MARCHF3: variants seen among roughly 807,000 people sequenced by gnomAD.
MARCHF3 encodes E3 ubiquitin-protein ligase MARCHF3.
Under a neutral mutation model 24.2 loss-of-function variants are expected in MARCHF3, and 13 were observed. That is an observed-to-expected ratio of 0.54 (90% CI 0.35 to 0.85). MARCHF3 has a LOEUF of 0.85. Ranked by LOEUF, MARCHF3 falls within the 40% of genes least tolerant of loss-of-function variation. MARCHF3 has a pLI of 0.01. For synonymous variants in MARCHF3, 144 were observed against 137.3 expected (o/e 1.05, Z -0.34); for missense variants, 276 against 325.0 (o/e 0.85, Z 1.16).
In MARCHF3 at chr5:127,029,656, A is replaced by C. The variant is rs113843925; in HGVS notation, c.-57+694T>G. On this transcript the variant is annotated intron_variant, in intron 1 of 4. Coordinates refer to ENST00000308660, the MANE Select transcript of MARCHF3 (RefSeq NM_178450.5). The stretch of plus-strand genomic sequence containing the variant: ...CGACCAGGCTGGCAATCCCTTTCGC[A>C]GCCTCTAGGATTCTCCAAGGCACTG... Among the ~76,000 whole-genome samples, 381 of 152,300 alleles carry C rather than the reference A, an allele frequency of 2.5e-3. 2 individuals are homozygous for C. The highest frequency in any genetic ancestry group is 8.7e-3 in the African/African-American group (361 of 41,568).
intron 1 of MARCHF3, among the ~76,000 whole-genome samples, chr5:126,993,276 G>A (rs1047332532): frequency 5.3e-5 from 8 of 152,142 alleles, no homozygotes; most frequent in African/African-American, 1.9e-4. Context: ...CAACTCCATC[G>A]TCTCCTATTT....
chr5:126,894,119 C>CT lies in MARCHF3; in HGVS notation c.394-15726dup, dbSNP rs1326126066. Reference sequence around the variant, plus strand: ...CAGAGACTAGGATTGCAACCCCTGCCTTTTTTTGTTTTCCATTTGCTTGGT... The same window carrying CT: ...CAGAGACTAGGATTGCAACCCCTGCCTTTTTTTTGTTTTCCATTTGCTTGGT... On this transcript the variant is annotated intron_variant, in intron 3 of 4. Transcript: ENST00000308660. Among the ~76,000 whole-genome samples the CT allele has an allele frequency of 4.3e-4, 59 of 137,592 alleles. 2 individuals are homozygous for CT. Among genetic ancestry groups the CT allele is most frequent in the African/African-American group, 1.5e-3 (52 of 34,100 alleles). 90.3% of individuals were successfully genotyped at this position (137,592 alleles called of 152,430 possible).
intron 1 of MARCHF3, among the ~76,000 whole-genome samples, chr5:126,920,128 C>A (rs924112159): frequency 3.3e-5 from 5 of 152,124 alleles, no homozygotes; most frequent in Admixed American, 6.5e-5. Flanking sequence ...CACTCATAAT[C>A]CCACCATTCA....
chr5:126,939,932 G>A (rs1247998795), intron 1 of MARCHF3, among the ~76,000 whole-genome samples: 1 of 152,080 alleles, frequency 6.6e-6, no homozygotes. Context: ...CCTAACACAC[G>A]TATTTTCTCT....
intron 3 of MARCHF3, among the ~76,000 whole-genome samples, chr5:126,889,686 A>T (rs1463998388): frequency 1.3e-5 from 2 of 152,198 alleles, no homozygotes; most frequent in Non-Finnish European, 2.9e-5. Flanking sequence ...TTTGCTGCCT[A>T]AAAGGGCCCC....
chr5:126,899,209 G>T (rs1447579530), intron 3 of MARCHF3: 1 of 985,132 alleles, frequency 1.0e-6, no homozygotes, highest in East Asian at 1.1e-4. Context: ...TGAGGAGGAC[G>T]GCAAAGCCTG....
intron 1 of MARCHF3, among the ~76,000 whole-genome samples, chr5:126,954,186 AC>A (rs1277527606): frequency 2.4e-4 from 36 of 148,254 alleles, no homozygotes; most frequent in African/African-American, 8.4e-4. Flanking sequence ...GCGCCTGCCA[AC>A]ACGCCCGGCT....
At chr5:127,011,811 C>T (rs1392215465) in intron 1 of MARCHF3, among the ~76,000 whole-genome samples, 1 of 152,188 alleles carries the variant, frequency 6.6e-6, no homozygotes, top group East Asian at 1.9e-4. Flanking sequence ...TTATTGCTTC[C>T]CATGGATACT....
chr5:126,982,181 T>C (rs1272314459), intron 1 of MARCHF3, among the ~76,000 whole-genome samples: 2 of 152,220 alleles, frequency 1.3e-5, no homozygotes, highest in African/African-American at 2.4e-5. Context: ...AGAATAACTC[T>C]CTATCTCCCG....
At chr5:127,025,308 T>TA (rs56148099) in intron 1 of MARCHF3, among the ~76,000 whole-genome samples, 2,963 of 133,742 alleles carry the variant, frequency 0.022, 39 homozygotes, top group Non-Finnish European at 0.03. Context: ...AAAAAGTTAT[T>TA]AAAAAAAAAA....
At chr5:126,900,412 A>G (rs989981473) in intron 3 of MARCHF3, among the ~76,000 whole-genome samples, 10 of 151,918 alleles carry the variant, frequency 6.6e-5, no homozygotes, top group African/African-American at 2.2e-4. Context: ...CATGACTGAG[A>G]TTTGTGCCCT....
intron 1 of MARCHF3, among the ~76,000 whole-genome samples, chr5:126,985,132 G>T (rs374710420): frequency 9.2e-5 from 14 of 152,244 alleles, no homozygotes; most frequent in African/African-American, 3.1e-4. Flanking sequence ...ATTTCCTTTG[G>T]GGGGACTACT....
chr5:126,954,826 T>C (rs1750386016), intron 1 of MARCHF3, among the ~76,000 whole-genome samples: 1 of 152,106 alleles, frequency 6.6e-6, no homozygotes, highest in Admixed American at 6.6e-5. Flanking sequence ...AACTTAAGTC[T>C]CCTGTTTCCC....
intron 1 of MARCHF3, among the ~76,000 whole-genome samples, chr5:127,025,042 G>A (rs557081584): frequency 3.5e-4 from 53 of 152,244 alleles, no homozygotes; most frequent in African/African-American, 1.2e-3. Context: ...TAGATCAATG[G>A]TGGTCCAATG....
chr5:126,992,503 G>A (rs1463212282), intron 1 of MARCHF3, among the ~76,000 whole-genome samples: 2 of 152,190 alleles, frequency 1.3e-5, no homozygotes, highest in East Asian at 1.9e-4. Flanking sequence ...GTTAAAGTGA[G>A]TAAAATACAA....
chr5:126,962,030 C>A (rs952580368), intron 1 of MARCHF3, among the ~76,000 whole-genome samples: 1 of 152,134 alleles, frequency 6.6e-6, no homozygotes, highest in Non-Finnish European at 1.5e-5. Context: ...CAAACAGGCA[C>A]CTGCAAAACT....
chr5:126,879,538 T>A (rs530328115), intron 3 of MARCHF3, among the ~76,000 whole-genome samples: 66 of 152,328 alleles, frequency 4.3e-4, no homozygotes, highest in African/African-American at 1.6e-3. Flanking sequence ...GTTGAAAGAC[T>A]AAATAGAATT....
chr5:127,026,593 G>T (rs1753008333), intron 1 of MARCHF3, among the ~76,000 whole-genome samples: 1 of 152,206 alleles, frequency 6.6e-6, no homozygotes. Flanking sequence ...AATTGTAGAT[G>T]ATATGAACGA....
intron 3 of MARCHF3, among the ~76,000 whole-genome samples, chr5:126,909,336 G>T (rs1754423476): frequency 6.6e-6 from 1 of 152,358 alleles, no homozygotes; most frequent in East Asian, 1.9e-4. Flanking sequence ...CTTGAGCTGT[G>T]GTGGGCTCCA....
Sources: gnomAD v4.1 joint callset for allele counts (sites outside exome capture counted in the v4.1 genomes callset) on GRCh38, gnomAD v4.1.1 for gene constraint, MANE v1.5 for transcripts, NCBI Gene and HGNC (gene_info 2026-07-23, HGNC 2026-07-21) for gene names.